The following KCNMA1 variants were observed in gnomAD, a reference collection of about 807,000 sequenced individuals.
KCNMA1 encodes potassium calcium-activated channel subfamily M alpha 1.
KCNMA1 carries 29 observed loss-of-function variants against 140.0 expected under a neutral mutation model. The observed-to-expected ratio is 0.21, with a 90% confidence interval of 0.15 to 0.28. The LOEUF is 0.28. KCNMA1 is among the 10% of genes least tolerant of loss of function. The pLI, the probability that KCNMA1 is intolerant of heterozygous loss-of-function variation, is 1.00. For missense variants in KCNMA1, 880 were observed against 1,602.2 expected (o/e 0.55, Z 7.70); for synonymous variants, 612 against 611.9 (o/e 1.00, Z 0.00).
At chr10:76,928,264 C>G (rs936648149) in intron 23 of KCNMA1, among the ~76,000 whole-genome samples, 1 of 145,360 alleles carries the variant, frequency 6.9e-6, no homozygotes, top group Non-Finnish European at 1.5e-5. Flanking sequence ...TACACACACA[C>G]ACACACACAC....
chr10:77,123,680 C>A (rs748637716), intron 5 of KCNMA1, among the ~76,000 whole-genome samples: 4 of 152,120 alleles, frequency 2.6e-5, no homozygotes, highest in Non-Finnish European at 4.4e-5. Flanking sequence ...AGTGCCAAAT[C>A]CTATATGCAT....
intron 2 of KCNMA1, among the ~76,000 whole-genome samples, chr10:77,265,623 G>A (rs1046810008): frequency 1.3e-5 from 2 of 152,088 alleles, no homozygotes; most frequent in East Asian, 1.9e-4. Context: ...TTGAATTATT[G>A]TTCAAAATCA....
intron 19 of KCNMA1, among the ~76,000 whole-genome samples, chr10:76,987,878 G>T (rs902038402): frequency 3.3e-5 from 5 of 152,108 alleles, no homozygotes; most frequent in African/African-American, 9.7e-5. Flanking sequence ...CCATCAAAAG[G>T]TCTCTCTCTT....
intron 1 of KCNMA1, among the ~76,000 whole-genome samples, chr10:77,428,668 G>A (rs1307687288): frequency 1.3e-5 from 2 of 152,038 alleles, no homozygotes; most frequent in Non-Finnish European, 2.9e-5. Context: ...AGCCTGTAAT[G>A]GAATTTCCAT....
intron 20 of KCNMA1, among the ~76,000 whole-genome samples, chr10:76,967,537 G>A (rs965312195): frequency 6.6e-6 from 1 of 152,188 alleles, no homozygotes; most frequent in African/African-American, 2.4e-5. Flanking sequence ...GAAGTCAAGG[G>A]ATATGGAGAG....
chr10:77,360,720 A>C (rs934564628), intron 2 of KCNMA1, among the ~76,000 whole-genome samples: 2 of 152,214 alleles, frequency 1.3e-5, no homozygotes, highest in Admixed American at 1.3e-4. Context: ...TCAGGGGAGA[A>C]ACTGAGTCAA....
intron 1 of KCNMA1, among the ~76,000 whole-genome samples, chr10:77,624,235 T>G (rs2092104242): frequency 1.3e-5 from 2 of 152,198 alleles, no homozygotes; most frequent in African/African-American, 2.4e-5. Flanking sequence ...AGATGTTTCT[T>G]TTTATGTTCA....
At chr10:77,317,294 C>T (rs71475648) in intron 2 of KCNMA1, among the ~76,000 whole-genome samples, 4,550 of 152,252 alleles carry the variant, frequency 0.03, 106 homozygotes, top group Middle Eastern at 0.051. Flanking sequence ...ACCTGGGATC[C>T]TTCTTGCTGA....
chr10:77,121,609 C>T (rs1265872109), intron 5 of KCNMA1, among the ~76,000 whole-genome samples: 2 of 151,894 alleles, frequency 1.3e-5, no homozygotes, highest in Admixed American at 1.3e-4. Flanking sequence ...ATATCACACC[C>T]CACAACTTCA....
At chr10:77,524,469 A>G (rs1419015688) in intron 1 of KCNMA1, among the ~76,000 whole-genome samples, 3 of 152,230 alleles carry the variant, frequency 2.0e-5, no homozygotes, top group African/African-American at 7.2e-5. Context: ...TCTCAGAATA[A>G]TAAGAAGAAG....
intron 5 of KCNMA1, among the ~76,000 whole-genome samples, chr10:77,135,164 A>C (rs1009615893): frequency 6.6e-6 from 1 of 152,226 alleles, no homozygotes; most frequent in African/African-American, 2.4e-5. Flanking sequence ...CAAATAGCCC[A>C]ATTAAGAAAT....
Position 77,268,923 on chromosome 10 carries a change from C to T in KCNMA1, c.541-17667G>A, listed in dbSNP as rs953231604. On this transcript the variant is annotated intron_variant, in intron 2 of 27. Transcript: ENST00000286628. The stretch of plus-strand genomic sequence containing the variant: ...AAAGCAGTCTCCAGGAGACGCTGCA[C>T]CAATGCAAAGAAACACAATCCAAGC... Among the ~76,000 whole-genome samples the T allele has an allele frequency of 4.6e-5, 7 of 152,174 alleles. No individual in the cohort carries two copies. In the East Asian group the frequency reaches 1.4e-3, roughly 29 times the overall value.
chr10:77,465,621 GT>G (rs11292631), intron 1 of KCNMA1, among the ~76,000 whole-genome samples: 7,622 of 152,210 alleles, frequency 0.05, 462 homozygotes, highest in African/African-American at 0.14. Flanking sequence ...ATTGAATAAG[GT>G]TAACATATAC....
chr10:76,918,707 T>C (rs1343689930), intron 23 of KCNMA1, among the ~76,000 whole-genome samples: 3 of 151,940 alleles, frequency 2.0e-5, no homozygotes, highest in Non-Finnish European at 1.5e-5. Context: ...TAAAAGTAGA[T>C]CTACCATTTT....
chr10:77,527,165 A>G (rs2154552157), intron 1 of KCNMA1, among the ~76,000 whole-genome samples: 1 of 152,324 alleles, frequency 6.6e-6, no homozygotes, highest in Admixed American at 6.5e-5. Flanking sequence ...TGCAGTATTA[A>G]TATGGCCCTG....
intron 3 of KCNMA1, among the ~76,000 whole-genome samples, chr10:77,207,552 G>A (rs2044540755): frequency 6.6e-6 from 1 of 152,136 alleles, no homozygotes; most frequent in Admixed American, 6.5e-5. Flanking sequence ...GACCTAGAGA[G>A]AGCAAACTAG....
At position 77,537,042 on chromosome 10, in the gene KCNMA1, CTTA is replaced by C. The variant is rs536964685; in HGVS notation, c.378+100220_378+100222del. On this transcript the variant is annotated intron_variant, in intron 1 of 27. Transcript: ENST00000286628. Reference sequence around the variant, plus strand: ...TTCATTTCCTTCGTAGGTTCAGCCTCTTATTATTTTATGTTCATATTTATTTTC... The same window carrying C: ...TTCATTTCCTTCGTAGGTTCAGCCTCTTATTTTATGTTCATATTTATTTTC... Among the ~76,000 whole-genome samples the C allele has an allele frequency of 3.0e-3, 458 of 152,270 alleles. 2 individuals carry two copies. In the Middle Eastern group the frequency reaches 0.031, roughly 10 times the overall value.
At chr10:76,872,753 T>C (rs928061485), downstream of KCNMA1, 1 of 152,256 alleles carries the variant, frequency 6.6e-6, no homozygotes, top group African/African-American at 2.4e-5. Flanking sequence ...AAACATTGTA[T>C]ACCTCTGCAT....
At chr10:76,958,007 G>A (rs950582207) in intron 20 of KCNMA1, among the ~76,000 whole-genome samples, 2 of 152,202 alleles carry the variant, frequency 1.3e-5, no homozygotes, top group African/African-American at 2.4e-5. Flanking sequence ...GGTGGAGAGT[G>A]TACAGTCAGT....
Sources: gnomAD v4.1 joint callset for allele counts (sites outside exome capture counted in the v4.1 genomes callset) on GRCh38, gnomAD v4.1.1 for gene constraint, MANE v1.5 for transcripts, NCBI Gene and HGNC (gene_info 2026-07-23, HGNC 2026-07-21) for gene names.